The following MSL1 variants were observed in gnomAD, a reference collection of about 807,000 sequenced individuals.
The protein encoded by MSL1 is MSL complex subunit 1.
Under a neutral mutation model 64.6 loss-of-function variants are expected in MSL1, and 21 were observed. The observed-to-expected ratio is 0.33, with a 90% CI of 0.23 to 0.47. The LOEUF (loss-of-function observed/expected upper bound fraction) is 0.47. Ranked by LOEUF, MSL1 falls within the 20% of genes least tolerant of loss-of-function variation. The pLI is 1.00. For missense variants in MSL1, 664 were observed against 793.2 expected, an observed-to-expected ratio of 0.84 and a Z score of 1.96; for synonymous variants, 339 against 329.6, an observed-to-expected ratio of 1.03 and a Z score of -0.31.
rs1988219653 is a variant in MSL1, at chr17:40,122,929, C to T, written c.317C>T (p.Pro106Leu). The stretch of plus-strand genomic sequence containing the variant: ...GGTTCGGTGCCCTTGCCCTGTCCGC[C>T]CCCGGCCACCAAGCAAGCCGGCATT... ...WGGSVPLPCP[P>L]PATKQAGIGG... The change falls in exon 1 of 9, where the codon CCC (proline) becomes CTC (leucine). Residue 106 changes from proline (P) to leucine (L), a missense_variant. Physicochemically the swap from Pro to Leu is moderately conservative, Grantham distance 98. This residue lies in a region of MSL1 where 466 missense variants were observed against 499.0 expected (regional missense o/e 0.93). Transcript: ENST00000398532. The surrounding 1 kb of genome is among the most constrained non-coding windows in gnomAD (Gnocchi z 4.2). 1 of 1,519,008 alleles carries T rather than the reference C, an allele frequency of 6.6e-7. No individual in the cohort carries two copies. Among genetic ancestry groups the T allele is most frequent in the Non-Finnish European group, 8.8e-7 (1 of 1,140,494 alleles). The allele number at this position is 1,519,008 out of a possible 1,614,324, so 94.1% of individuals were successfully genotyped here.
chr17:40,134,677 A>C lies in MSL1; in HGVS notation c.*308A>C. On this transcript the variant is annotated 3_prime_UTR_variant, in exon 9 of 9. Coordinates refer to ENST00000398532, the MANE Select transcript of MSL1 (RefSeq NM_001365919.1). ...GTTTCTATACATTTGCCTATGTTAAAGGGGTAAAAGGGCTCTCTTCATTAG... is the reference window on the plus strand; with the variant it reads ...GTTTCTATACATTTGCCTATGTTAACGGGGTAAAAGGGCTCTCTTCATTAG... 1 of 318,014 alleles carries C rather than the reference A, an allele frequency of 3.1e-6. No homozygotes were observed. Among genetic ancestry groups the C allele is most frequent in the East Asian group, 7.0e-5 (1 of 14,304 alleles). The allele number at this position is 318,014 out of a possible 1,614,324, so 19.7% of individuals were successfully genotyped here.
chr17:40,132,527 A>G (rs2145135736), intron 5 of MSL1, among the ~76,000 whole-genome samples: 1 of 152,088 alleles, frequency 6.6e-6, no homozygotes, highest in South Asian at 2.1e-4. Context: ...AATCCCAGCT[A>G]CTCGGGAGGC....
chr17:40,127,373 T>C (rs1265197750), intron 2 of MSL1, among the ~76,000 whole-genome samples: 2 of 151,144 alleles, frequency 1.3e-5, no homozygotes, highest in East Asian at 3.9e-4. Context: ...AATGGAACTG[T>C]CCTTGGACTC....
chr17:40,123,216 A>T lies in MSL1; in HGVS notation c.604A>T (p.Met202Leu). Residue 202 changes from methionine to leucine, a missense_variant, in exon 1 of 9, where the codon ATG (methionine) becomes TTG (leucine). Transcript: ENST00000398532. ...GGCCAGCGAGGGCAGATGGAAGAGT[A>T]TGAGGAAGAGCCCTCTCGGGGGTGG... ...LAASEGRWKSMRKSPLGGGGG... is the reference protein window; with the variant it reads ...LAASEGRWKSLRKSPLGGGGG... The T allele has an allele frequency of 2.6e-6, 4 of 1,535,578 alleles. No homozygotes were observed. The South Asian group carries it at 4.8e-5, about 18-fold the overall frequency.
chr17:40,131,407 C>A lies in MSL1; in HGVS notation c.1376-130C>A. On this transcript the variant is annotated intron_variant, in intron 3 of 8. Coordinates refer to ENST00000398532, the MANE Select transcript of MSL1 (RefSeq NM_001365919.1). This position sits in a 1 kb window ranked among gnomAD's most constrained non-coding sequence, Gnocchi z 4.5. The stretch of plus-strand genomic sequence containing the variant: ...TCTTCCCCTCCCCCAGAGAGAAATT[C>A]TCAAAAGAACAACTCAAAAAACAAA... 1 of 734,822 alleles carries A rather than the reference C, an allele frequency of 1.4e-6. No homozygotes were observed. The highest frequency in any genetic ancestry group is 2.3e-6 in the Non-Finnish European group (1 of 431,302). 45.5% of individuals were successfully genotyped at this position (734,822 alleles called of 1,614,324 possible).
intron 3 of MSL1, chr17:40,130,894 ACTGG>A (rs1241965861): frequency 1.3e-5 from 2 of 152,316 alleles, no homozygotes; most frequent in African/African-American, 4.8e-5. Context: ...GTTCTGTGTG[ACTGG>A]CTATTTTTGA....
intron 8 of MSL1, among the ~76,000 whole-genome samples, 157 bp from the exon 9 acceptor site, chr17:40,134,122 G>T (rs1255862166): frequency 3.9e-5 from 6 of 152,206 alleles, no homozygotes; most frequent in African/African-American, 1.2e-4. Flanking sequence ...TCACTTTAAT[G>T]GTACACAGTT....
chr17:40,125,999 T>C (rs1988305317), intron 1 of MSL1, among the ~76,000 whole-genome samples, 184 bp from the exon 2 acceptor site: 1 of 152,192 alleles, frequency 6.6e-6, no homozygotes. Flanking sequence ...TTTAACAGTA[T>C]ACCTTCTCTT....
chr17:40,127,926 C>T (rs944168349), intron 2 of MSL1, among the ~76,000 whole-genome samples: 1 of 152,116 alleles, frequency 6.6e-6, no homozygotes, highest in Admixed American at 6.6e-5. Flanking sequence ...AGATCGAGAC[C>T]ATCCTGGCTA....
Position 40,126,367 on chromosome 17 carries a change from A to C in MSL1, c.953A>C (p.Lys318Thr), listed in dbSNP as rs757185024. ...LSETSQTLPP[K>T]PFSCGRSGKG... The stretch of plus-strand genomic sequence containing the variant: ...GAGACATCCCAGACTCTGCCTCCCA[A>C]GCCCTTCTCATGTGGGCGGAGTGGA... Residue 318 changes from lysine to threonine, a missense_variant, in exon 2 of 9, where the codon AAG (lysine) becomes ACG (threonine). This residue lies in a region of MSL1 where 466 missense variants were observed against 499.0 expected (regional missense o/e 0.93). Coordinates refer to ENST00000398532, the MANE Select transcript of MSL1 (RefSeq NM_001365919.1). 1.5e-5 allele frequency: 24 copies of C among 1,613,870 alleles called. No homozygotes were observed. Among genetic ancestry groups the C allele is most frequent in the Non-Finnish European group, 1.7e-5 (20 of 1,179,904 alleles).
Position 40,123,394 on chromosome 17 carries a change from T to C in MSL1, c.768+14T>C, listed in dbSNP as rs1031139920. On this transcript the variant is annotated intron_variant, in intron 1 of 8. Coordinates refer to ENST00000398532, the MANE Select transcript of MSL1 (RefSeq NM_001365919.1). Reference sequence around the variant, plus strand: ...GAGAGAGACACGGTACGGGAGGGGTTAATCTGCATTCGGGCCGAGGAGCGA... The same window carrying C: ...GAGAGAGACACGGTACGGGAGGGGTCAATCTGCATTCGGGCCGAGGAGCGA... 1 of 1,534,446 alleles carries C rather than the reference T, an allele frequency of 6.5e-7. No homozygotes were observed. The highest frequency in any genetic ancestry group is 8.7e-7 in the Non-Finnish European group (1 of 1,146,160).
rs886489873 is a variant in MSL1 at position 40,134,323 on chromosome 17, T to C, written c.1799T>C (p.Leu600Ser). 3 of 1,557,866 alleles carry C rather than the reference T, an allele frequency of 1.9e-6. No individual in the cohort carries two copies. Among genetic ancestry groups the C allele is most frequent in the Middle Eastern group, 1.7e-4 (1 of 5,998 alleles). The change falls in exon 9 of 9, where the codon TTG becomes TCG. Residue 600 changes from leucine (L) to serine (S), a missense_variant. Physicochemically the swap from Leu to Ser is moderately radical, Grantham distance 145. Around this residue, in one of 4 missense-constraint regions of MSL1, gnomAD observed 76 missense variants for 98.5 expected, o/e 0.77. Coordinates refer to ENST00000398532, the MANE Select transcript of MSL1 (RefSeq NM_001365919.1). ...TTGGATGAGCGTAGCCGATGCAGAT[T>C]GGAGATCCAGAAGAAGCAAACACCT... ...PWLDERSRCR[L>S]EIQKKQTPHR...
chr17:40,131,679 G>T lies in MSL1; in HGVS notation c.1423+95G>T, dbSNP rs924601532. ...CTGCATTCCCCATCCACTGGATGTG[G>T]GAGACTGAGATTTCTTGGTGTATGA... is the stretch of plus-strand genomic sequence containing the variant. On this transcript the variant is annotated intron_variant, in intron 4 of 8. Transcript: ENST00000398532. This position sits in a 1 kb window ranked among gnomAD's most constrained non-coding sequence, Gnocchi z 4.5. 27 of 1,094,696 alleles carry T rather than the reference G, an allele frequency of 2.5e-5. No individual in the cohort carries two copies. The African/African-American group carries it at 4.0e-4, about 16-fold the overall frequency. The allele number at this position is 1,094,696 out of a possible 1,614,324, so 67.8% of individuals were successfully genotyped here. A position where few individuals can be genotyped will look rare whatever the true frequency, so the allele number is the denominator to read the frequency against.
At chr17:40,134,031 C>T in intron 8 of MSL1, 132 bp downstream of exon 8, 1 of 804,346 alleles carries the variant, frequency 1.2e-6, no homozygotes, top group Middle Eastern at 2.3e-4. Flanking sequence ...ATGAGGCTAC[C>T]TGGGCAACTA....
In MSL1 at chr17:40,133,840, G is replaced by T; in HGVS notation, c.1695G>T (p.Met565Ile). ...FPEPDDVESL[M>I]ITPFLPVVAF... ...TTTCTCCCATAGTTGAAAGTTTGAT[G>T]ATTACCCCCTTCTTGCCTGTTGTAG... The change falls in exon 8 of 9, where the codon ATG (methionine) becomes ATT (isoleucine). Residue 565 changes from methionine (M) to isoleucine (I), a missense_variant. By Grantham distance (10) the Met-to-Ile change is conservative. Coordinates refer to ENST00000398532, the MANE Select transcript of MSL1 (RefSeq NM_001365919.1). 1 of 1,613,968 alleles carries T rather than the reference G, an allele frequency of 6.2e-7. No individual in the cohort carries two copies. The highest frequency in any genetic ancestry group is 1.3e-5 in the African/African-American group (1 of 75,038).
intron 6 of MSL1, 163 bp from the exon 7 acceptor site, chr17:40,133,371 A>T: frequency 1.1e-6 from 1 of 916,380 alleles, no homozygotes; most frequent in Admixed American, 2.9e-5. Flanking sequence ...CGGTAGACCT[A>T]AACAGCTCTC....
rs941095694 is a variant in MSL1, at chr17:40,131,879, A to G, written c.1424-155A>G. The G allele has an allele frequency of 3.2e-6, 2 of 630,606 alleles. No individual in the cohort carries two copies. Among genetic ancestry groups the G allele is most frequent in the Non-Finnish European group, 5.5e-6 (2 of 360,960 alleles). 39.1% of individuals were successfully genotyped at this position (630,606 alleles called of 1,614,324 possible). Reference sequence around the variant, plus strand: ...TTATACCATAGCAAGGACACTGAATATGGCTTCAGGGAGGCCATAGAATGG... The same window carrying G: ...TTATACCATAGCAAGGACACTGAATGTGGCTTCAGGGAGGCCATAGAATGG... On this transcript the variant is annotated intron_variant, in intron 4 of 8. Coordinates refer to ENST00000398532, the MANE Select transcript of MSL1 (RefSeq NM_001365919.1). The surrounding 1 kb of genome is among the most constrained non-coding windows in gnomAD (Gnocchi z 4.5).
rs1345593619 is a variant in MSL1, at chr17:40,122,241, G to C, written c.-372G>C. 2 of 148,884 alleles carry C rather than the reference G, an allele frequency of 1.3e-5. No individual in the cohort carries two copies. Among genetic ancestry groups the C allele is most frequent in the South Asian group, 2.1e-4 (1 of 4,834 alleles). 9.2% of individuals were successfully genotyped at this position (148,884 alleles called of 1,614,324 possible). A position where few individuals can be genotyped will look rare whatever the true frequency, so the allele number is the denominator to read the frequency against. On this transcript the variant is annotated 5_prime_UTR_variant, in exon 1 of 9. Transcript: ENST00000398532. This position sits in a 1 kb window ranked among gnomAD's most constrained non-coding sequence, Gnocchi z 4.2. ...GGGGCGGGGGGCCGGGGCGGGGAAGGGGGGGTGCGGGGTGGGGAGACGAGG... is the reference window on the plus strand; with the variant it reads ...GGGGCGGGGGGCCGGGGCGGGGAAGCGGGGGTGCGGGGTGGGGAGACGAGG...
intron 2 of MSL1, 47 bp downstream of exon 2, chr17:40,126,453 G>C: frequency 3.3e-6 from 5 of 1,511,584 alleles, no homozygotes; most frequent in Non-Finnish European, 4.6e-6. Flanking sequence ...ACCAGTGATT[G>C]AGAGTAGGAG....
Sources: allele counts gnomAD v4.1 joint callset (sites outside exome capture counted in the v4.1 genomes callset), GRCh38; gene constraint gnomAD v4.1.1; regional missense constraint gnomAD v4.1.1; non-coding constraint Gnocchi (gnomAD v3.1); transcripts MANE v1.5; gene names NCBI Gene and HGNC (gene_info 2026-07-23, HGNC 2026-07-21).